The following TDRD5 variants were observed in gnomAD, a reference collection of about 807,000 sequenced individuals.
TDRD5 encodes the protein tudor domain containing 5, also known as tudor domain-containing protein 5.
TDRD5 carries 41 observed loss-of-function variants against 120.6 expected under a neutral mutation model. The observed-to-expected ratio is 0.34, with a 90% CI of 0.26 to 0.44. TDRD5 has a LOEUF of 0.44. Among genes scored for constraint, TDRD5 ranks in the 20% least tolerant of loss-of-function variants. TDRD5 has a pLI of 1.00. For synonymous variants in TDRD5, 430 were observed against 433.7 expected (o/e 0.99, Z 0.11); for missense variants, 1,006 against 1,221.2 (o/e 0.82, Z 2.63).
At chr1:179,628,319 CTTT>C (rs1282761458) in intron 6 of TDRD5, among the ~76,000 whole-genome samples, 6,376 of 76,580 alleles carry the variant, frequency 0.083, 255 homozygotes, top group Non-Finnish European at 0.11. Flanking sequence ...CTTTTCTTTT[CTTT>C]TCTTTTTTTT....
In TDRD5 at chr1:179,633,855, A is replaced by G. The variant is rs192351291; in HGVS notation, c.1127-602A>G. ...GTAAATTGAAATCAAGATGCTGAAA[A>G]AAATTAAGTCTTTAACTAAAGTTTA... is the stretch of plus-strand genomic sequence containing the variant. On this transcript the variant is annotated intron_variant, in intron 7 of 17. Coordinates refer to ENST00000444136, the MANE Select transcript of TDRD5 (RefSeq NM_001199085.3). Among the ~76,000 whole-genome samples, 93 of 152,236 alleles carry G rather than the reference A, an allele frequency of 6.1e-4. 2 individuals carry two copies. In the Middle Eastern group the frequency reaches 0.021, roughly 34 times the overall value.
chr1:179,619,819 C>T (rs966781414), intron 5 of TDRD5, among the ~76,000 whole-genome samples: 13 of 152,178 alleles, frequency 8.5e-5, no homozygotes, highest in Admixed American at 2.0e-4. Context: ...CAGGGTCTTG[C>T]TCTGTTGCCC....
chr1:179,687,348 C>T (rs7533829), intron 17 of TDRD5, among the ~76,000 whole-genome samples: 50,368 of 151,816 alleles, frequency 0.33, 8,508 homozygotes, highest in Admixed American at 0.41. Flanking sequence ...TGTAGTTGAG[C>T]GGTTTTGAGT....
In TDRD5 at chr1:179,595,641, C is replaced by A; in HGVS notation, c.654C>A (p.Thr218=). Residue 218 remains threonine, a synonymous_variant, in exon 4 of 18, where the codon ACC becomes ACA. Transcript: ENST00000444136. The stretch of plus-strand genomic sequence containing the variant: ...TACTCACAAAAGGTAAAATTTTTAC[C>A]CAGCCATTTAGAATGAAACAAGGGT... ...PRGCPAGKIF[T]QPFRMKQGSY... 1.3e-6 allele frequency: 2 copies of A among 1,557,658 alleles called. No homozygotes were observed. Among genetic ancestry groups the A allele is most frequent in the South Asian group, 1.2e-5 (1 of 80,856 alleles).
At chr1:179,626,189 T>C (rs1021511692) in intron 6 of TDRD5, among the ~76,000 whole-genome samples, 2 of 151,778 alleles carry the variant, frequency 1.3e-5, no homozygotes, top group Non-Finnish European at 2.9e-5. Flanking sequence ...AATGTGCACA[T>C]GTACCCTAAA....
rs770678156 is a variant in TDRD5, at chr1:179,650,854, G to C, written c.1801-13G>C. ...ATCTATCACCTGAATCCAATATCTT[G>C]ATCATATTTCAGGAACACTGGACAT... On this transcript the variant is annotated splice_polypyrimidine_tract_variant and intron_variant, in intron 11 of 17. Coordinates refer to ENST00000444136, the MANE Select transcript of TDRD5 (RefSeq NM_001199085.3). 2 of 1,613,730 alleles carry C rather than the reference G, an allele frequency of 1.2e-6. No homozygotes were observed. The highest frequency in any genetic ancestry group is 1.7e-4 in the Middle Eastern group (1 of 6,060).
chr1:179,599,182 G>T (rs1164234891), intron 4 of TDRD5, among the ~76,000 whole-genome samples: 2 of 151,790 alleles, frequency 1.3e-5, no homozygotes, highest in Non-Finnish European at 1.5e-5. Flanking sequence ...TTATATTTCT[G>T]GATGAATCCT....
chr1:179,606,924 C>G (rs1483134370), intron 4 of TDRD5, among the ~76,000 whole-genome samples: 2 of 152,082 alleles, frequency 1.3e-5, no homozygotes, highest in Non-Finnish European at 2.9e-5. Flanking sequence ...TATTCTGGAT[C>G]TTTTGCCTCC....
intron 15 of TDRD5, among the ~76,000 whole-genome samples, 160 bp from the exon 16 acceptor site, chr1:179,663,188 C>A (rs1176096186): frequency 6.6e-6 from 1 of 152,032 alleles, no homozygotes; most frequent in Admixed American, 6.6e-5. Flanking sequence ...TGGGTATGGA[C>A]CAATAAAGCA....
Position 179,689,039 on chromosome 1 carries a change from ATCT to A in TDRD5, c.2861-1653_2861-1651del, listed in dbSNP as rs983204736. On this transcript the variant is annotated intron_variant, in intron 17 of 17. Transcript: ENST00000444136. Reference sequence around the variant, plus strand: ...TTGTTATTACCGATCATCTGAAGCCATCTTCTCTCAACTCGTCAAAGTCATTCT... The same window carrying A: ...TTGTTATTACCGATCATCTGAAGCCATCTCTCAACTCGTCAAAGTCATTCT... Among the ~76,000 whole-genome samples, 165 of 152,132 alleles carry A rather than the reference ATCT, an allele frequency of 1.1e-3. 1 individual carries two copies. Among genetic ancestry groups the A allele is most frequent in the African/African-American group, 3.9e-3 (162 of 41,502 alleles).
chr1:179,609,508 G>A (rs761294556), intron 4 of TDRD5, among the ~76,000 whole-genome samples: 2 of 152,078 alleles, frequency 1.3e-5, no homozygotes, highest in Non-Finnish European at 2.9e-5. Flanking sequence ...TTTTGGATTT[G>A]TGATGTTCAA....
chr1:179,594,811 G>A (rs1380854011), intron 3 of TDRD5, among the ~76,000 whole-genome samples: 2 of 152,216 alleles, frequency 1.3e-5, no homozygotes, highest in African/African-American at 4.8e-5. Flanking sequence ...GGCTCTGGAG[G>A]CCACTAAGTG....
chr1:179,654,473 C>A, intron 14 of TDRD5, 111 bp downstream of exon 14: 1 of 1,207,706 alleles, frequency 8.3e-7, no homozygotes, highest in Non-Finnish European at 1.1e-6. Flanking sequence ...TTTAGTATTA[C>A]AAATTCTTAG....
intron 17 of TDRD5, among the ~76,000 whole-genome samples, chr1:179,686,770 G>A (rs1680742839): frequency 1.3e-5 from 2 of 152,218 alleles, no homozygotes; most frequent in Non-Finnish European, 2.9e-5. Flanking sequence ...CTTAGTCTTG[G>A]GAGGGTGTAT....
intron 17 of TDRD5, among the ~76,000 whole-genome samples, chr1:179,678,964 T>C (rs1680286328): frequency 6.6e-6 from 1 of 152,220 alleles, no homozygotes; most frequent in African/African-American, 2.4e-5. Context: ...AAGCATTTTA[T>C]CTTATTACAA....
intron 9 of TDRD5, among the ~76,000 whole-genome samples, chr1:179,636,630 C>G (rs1558396257): frequency 6.6e-6 from 1 of 152,194 alleles, no homozygotes. Flanking sequence ...TGGAAAATAA[C>G]TAGTTTGCTG....
chr1:179,625,331 A>C (rs140515435), intron 6 of TDRD5, among the ~76,000 whole-genome samples: 1,526 of 152,254 alleles, frequency 0.01, 30 homozygotes, highest in African/African-American at 0.034. Flanking sequence ...ATGAGACTTC[A>C]TCAAAATTAG....
intron 11 of TDRD5, among the ~76,000 whole-genome samples, chr1:179,645,416 T>C (rs1337250356): frequency 6.6e-6 from 1 of 152,218 alleles, no homozygotes; most frequent in African/African-American, 2.4e-5. Context: ...CCTTTTGTAG[T>C]TGATTTCTAG....
intron 4 of TDRD5, among the ~76,000 whole-genome samples, chr1:179,614,007 G>C (rs7349147): frequency 6.6e-6 from 1 of 152,112 alleles, no homozygotes. Context: ...TCTGCTTTTA[G>C]CCATGTGCAT....
Sources: gnomAD v4.1 joint callset for allele counts (sites outside exome capture counted in the v4.1 genomes callset) on GRCh38, gnomAD v4.1.1 for gene constraint, MANE v1.5 for transcripts, NCBI Gene and HGNC (gene_info 2026-07-23, HGNC 2026-07-21) for gene names.